FASLG: variants seen among roughly 807,000 people sequenced by gnomAD.
FASLG encodes the protein tumor necrosis factor ligand superfamily member 6.
FASLG carries 9 observed loss-of-function variants against 24.6 expected under a neutral mutation model. The ratio of observed to expected loss-of-function variants is 0.37; its 90% confidence interval spans 0.22 to 0.64. The LOEUF (loss-of-function observed/expected upper bound fraction) is 0.64. Among genes scored for constraint, FASLG ranks in the 30% least tolerant of loss-of-function variants. FASLG has a pLI of 0.64. For synonymous variants in FASLG, 130 were observed against 135.5 expected (o/e 0.96, Z 0.28); for missense variants, 306 against 345.3 (o/e 0.89, Z 0.90).
intron 2 of FASLG, among the ~76,000 whole-genome samples, chr1:172,662,836 T>A (rs776793148): frequency 3.9e-5 from 6 of 152,176 alleles, no homozygotes; most frequent in Non-Finnish European, 7.3e-5. Context: ...ATGCAACATG[T>A]GGTTCTCTGT....
At position 172,664,405 on chromosome 1, in the gene FASLG, G is replaced by C. The variant is rs760897325; in HGVS notation, c.451+15G>C. On this transcript the variant is annotated intron_variant, in intron 3 of 3. Coordinates refer to ENST00000367721, the MANE Select transcript of FASLG (RefSeq NM_000639.3). Reference sequence around the variant, plus strand: ...CCATTTAACAGGTCTGTATCTGGAAGGTACAGGTGAGATTTGGGAAAGCTT... The same window carrying C: ...CCATTTAACAGGTCTGTATCTGGAACGTACAGGTGAGATTTGGGAAAGCTT... 6.2e-7 allele frequency: 1 copy of C among 1,613,858 alleles called. No homozygotes were observed.
Position 172,666,023 on chromosome 1 carries a change from C to A in FASLG, c.*7C>A, listed in dbSNP as rs1217985715. On this transcript the variant is annotated 3_prime_UTR_variant, in exon 4 of 4. Coordinates refer to ENST00000367721, the MANE Select transcript of FASLG (RefSeq NM_000639.3). Reference sequence around the variant, plus strand: ...CGGCTTATATAAGCTCTAAGAGAAGCACTTTGGGATTCTTTCCATTATGAT... The same window carrying A: ...CGGCTTATATAAGCTCTAAGAGAAGAACTTTGGGATTCTTTCCATTATGAT... 7 of 1,613,842 alleles carry A rather than the reference C, an allele frequency of 4.3e-6. No homozygotes were observed. Among genetic ancestry groups the A allele is most frequent in the Non-Finnish European group, 5.9e-6 (7 of 1,180,014 alleles).
chr1:172,664,539 G>A (rs1195568828), intron 3 of FASLG, 149 bp downstream of exon 3: 1 of 802,550 alleles, frequency 1.2e-6, no homozygotes, highest in Non-Finnish European at 2.1e-6. Flanking sequence ...TTCTTGTCGA[G>A]TCAGTCTTAT....
Position 172,665,704 on chromosome 1 carries a change from G to T in FASLG, c.534G>T (p.Lys178Asn), listed in dbSNP as rs1273706150. 1 of 1,614,186 alleles carries T rather than the reference G, an allele frequency of 6.2e-7. No individual in the cohort carries two copies. The highest frequency in any genetic ancestry group is 8.5e-7 in the Non-Finnish European group (1 of 1,180,030). ...IVLLSGVKYK[K>N]GGLVINETGL... Reference sequence around the variant, plus strand: ...TGCTTTCTGGAGTGAAGTATAAGAAGGGTGGCCTTGTGATCAATGAAACTG... The same window carrying T: ...TGCTTTCTGGAGTGAAGTATAAGAATGGTGGCCTTGTGATCAATGAAACTG... The change falls in exon 4 of 4, where the codon AAG (lysine) becomes AAT (asparagine). Residue 178 changes from lysine to asparagine, a missense_variant. Physicochemically the swap from Lys to Asn is moderately conservative, Grantham distance 94. Coordinates refer to ENST00000367721, the MANE Select transcript of FASLG (RefSeq NM_000639.3).
chr1:172,662,016 A>G (rs1659153638), intron 2 of FASLG, among the ~76,000 whole-genome samples: 1 of 152,118 alleles, frequency 6.6e-6, no homozygotes, highest in Non-Finnish European at 1.5e-5. Flanking sequence ...CCTATTTATA[A>G]TAAATAATTC....
chr1:172,660,145 GTC>G lies in FASLG; in HGVS notation c.394+7_394+8del, dbSNP rs1160674243. The G allele has an allele frequency of 1.2e-6, 2 of 1,613,738 alleles. No individual in the cohort carries two copies. The highest frequency in any genetic ancestry group is 2.7e-5 in the African/African-American group (2 of 74,898). On this transcript the variant is annotated splice_donor_region_variant and intron_variant, in intron 2 of 3. Transcript: ENST00000367721. ...CATCTTTGGAGAAGCAAATAGGTGA[GTC>G]TTTTTTCGCATGTACATTGAGTTCC...
rs368143171 is a variant in FASLG, at chr1:172,664,355, A to T, written c.416A>T (p.Glu139Val). Residue 139 changes from glutamate (E) to valine (V), a missense_variant, in exon 3 of 4, where the codon GAA becomes GTA. By Grantham distance (121) the Glu-to-Val change is moderately radical. Transcript: ENST00000367721. ...KQIGHPSPPP[E>V]KKELRKVAHL... ...ACAGGCCACCCCAGTCCACCCCCTG[A>T]AAAAAAGGAGCTGAGGAAAGTGGCC... 36 of 1,612,754 alleles carry T rather than the reference A, an allele frequency of 2.2e-5. No individual in the cohort carries two copies. Among genetic ancestry groups the T allele is most frequent in the Non-Finnish European group, 1.7e-6 (2 of 1,179,122 alleles).
intron 1 of FASLG, among the ~76,000 whole-genome samples, chr1:172,659,834 AAAAC>A (rs1298595928): frequency 6.6e-6 from 1 of 152,162 alleles, no homozygotes; most frequent in Non-Finnish European, 1.5e-5. Context: ...TAAGGAGTAA[AAAAC>A]AAACAAACAA....
chr1:172,664,505 T>TATTGGGTTCAAATAC, intron 3 of FASLG, 115 bp downstream of exon 3: 1 of 966,688 alleles, frequency 1.0e-6, no homozygotes, highest in Non-Finnish European at 1.7e-6. Flanking sequence ...GAGACAGTAT[T>TATTGGGTTCAAATAC]TGAACCCAAT....
intron 2 of FASLG, among the ~76,000 whole-genome samples, chr1:172,662,974 T>C (rs1362900446): frequency 1.3e-5 from 2 of 152,102 alleles, no homozygotes; most frequent in East Asian, 3.9e-4. Context: ...TGGGTTGTCT[T>C]GGATGACTAG....
At chr1:172,663,669 A>T (rs1327766972) in intron 2 of FASLG, among the ~76,000 whole-genome samples, 1 of 152,144 alleles carries the variant, frequency 6.6e-6, no homozygotes, top group Non-Finnish European at 1.5e-5. Context: ...TGATGGGGAT[A>T]CTTGTATACG....
At chr1:172,661,761 A>G (rs1038289941) in intron 2 of FASLG, among the ~76,000 whole-genome samples, 2 of 152,208 alleles carry the variant, frequency 1.3e-5, no homozygotes, top group African/African-American at 2.4e-5. Flanking sequence ...TCAAATTAAT[A>G]AAGATTAAAA....
chr1:172,663,958 A>G (rs1242068595), intron 2 of FASLG, among the ~76,000 whole-genome samples: 1 of 152,106 alleles, frequency 6.6e-6, no homozygotes, highest in Non-Finnish European at 1.5e-5. Context: ...TGGATTAGTC[A>G]CCCAACTTCT....
At chr1:172,660,443 G>A (rs1013461400) in intron 2 of FASLG, among the ~76,000 whole-genome samples, 1 of 152,180 alleles carries the variant, frequency 6.6e-6, no homozygotes, top group African/African-American at 2.4e-5. Context: ...AGTGGCTCCA[G>A]GCCTGTCCCC....
At chr1:172,661,698 C>T (rs1659145960) in intron 2 of FASLG, among the ~76,000 whole-genome samples, 1 of 151,936 alleles carries the variant, frequency 6.6e-6, no homozygotes, top group African/African-American at 2.4e-5. Flanking sequence ...AAATCAGTAA[C>T]TTTACTAATA....
intron 3 of FASLG, among the ~76,000 whole-genome samples, chr1:172,664,752 G>A (rs529235831): frequency 6.6e-6 from 1 of 152,280 alleles, no homozygotes; most frequent in East Asian, 1.9e-4. Context: ...GTGCTTTCTT[G>A]GTTTTCTGGA....
chr1:172,666,763 A>T lies in FASLG; in HGVS notation c.*747A>T, dbSNP rs531007075. 1.3e-5 allele frequency: 2 copies of T among 152,866 alleles called. No individual in the cohort carries two copies. Among genetic ancestry groups the T allele is most frequent in the South Asian group, 4.1e-4 (2 of 4,830 alleles). 9.5% of individuals were successfully genotyped at this position (152,866 alleles called of 1,614,324 possible). A position where few individuals can be genotyped will look rare whatever the true frequency, so the allele number is the denominator to read the frequency against. ...TCAACTCTAATAGTGCTTAAAAATC[A>T]TTGATTGTCAGCTACTAATGATGTT... On this transcript the variant is annotated 3_prime_UTR_variant, in exon 4 of 4. Coordinates refer to ENST00000367721, the MANE Select transcript of FASLG (RefSeq NM_000639.3).
intron 2 of FASLG, among the ~76,000 whole-genome samples, chr1:172,664,062 T>C (rs1306733100): frequency 1.3e-5 from 2 of 152,212 alleles, no homozygotes. Context: ...GACAGCTCTT[T>C]ATGAATAAAT....
At chr1:172,663,039 A>T (rs1239501690) in intron 2 of FASLG, among the ~76,000 whole-genome samples, 3 of 152,144 alleles carry the variant, frequency 2.0e-5, no homozygotes. Flanking sequence ...TTCTCATACC[A>T]TATGTGAGTT....
Sources: allele counts gnomAD v4.1 joint callset (sites outside exome capture counted in the v4.1 genomes callset), GRCh38; gene constraint gnomAD v4.1.1; transcripts MANE v1.5; gene names NCBI Gene and HGNC (gene_info 2026-07-23, HGNC 2026-07-21).